Variants in SGCD observed in about 807,000 individuals in gnomAD.
The protein encoded by SGCD is sarcoglycan delta, also known as delta-sarcoglycan.
SGCD carries 18 observed loss-of-function variants against 36.6 expected under a neutral mutation model. The ratio of observed to expected loss-of-function variants is 0.49; its 90% CI spans 0.34 to 0.73. The LOEUF (loss-of-function observed/expected upper bound fraction) is 0.73. SGCD is among the 30% of genes least tolerant of loss of function. The pLI, the probability that SGCD is intolerant of heterozygous loss-of-function variation, is 0.01. For synonymous variants in SGCD, 133 were observed against 130.6 expected, an observed-to-expected ratio of 1.02 and a Z score of -0.12; for missense variants, 387 against 346.7, an observed-to-expected ratio of 1.12 and a Z score of -0.92.
chr5:156,642,618 G>A (rs1763078192), intron 6 of SGCD, among the ~76,000 whole-genome samples: 1 of 151,548 alleles, frequency 6.6e-6, no homozygotes. Context: ...ACAGGCTCAT[G>A]CCACCACACC....
At chr5:156,691,340 G>T (rs538978698) in intron 7 of SGCD, among the ~76,000 whole-genome samples, 1 of 151,976 alleles carries the variant, frequency 6.6e-6, no homozygotes. Context: ...AGGCATGCTG[G>T]CCATAGTGCG....
intron 3 of SGCD, among the ~76,000 whole-genome samples, chr5:156,250,689 A>G (rs897131354): frequency 6.6e-6 from 1 of 152,170 alleles, no homozygotes; most frequent in African/African-American, 2.4e-5. Flanking sequence ...TTTAAGGAAG[A>G]CTCTGTTAGG....
intron 1 of SGCD, among the ~76,000 whole-genome samples, chr5:156,011,542 G>A (rs1010188827): frequency 2.0e-5 from 3 of 151,926 alleles, no homozygotes; most frequent in Admixed American, 2.0e-4. Flanking sequence ...GCGGGTTCAA[G>A]AAGTCCTCTG....
intron 1 of SGCD, among the ~76,000 whole-genome samples, chr5:155,983,162 T>C (rs1758262563): frequency 6.6e-6 from 1 of 152,238 alleles, no homozygotes; most frequent in Admixed American, 6.5e-5. Flanking sequence ...TAGTATTTGC[T>C]AAGTATTTCT....
intron 3 of SGCD, among the ~76,000 whole-genome samples, chr5:156,317,901 G>A (rs781614870): frequency 4.6e-5 from 7 of 152,130 alleles, no homozygotes; most frequent in Non-Finnish European, 8.8e-5. Context: ...GTGACAAATG[G>A]CATGGGTAGA....
At chr5:156,420,065 T>A (rs1773230101) in intron 3 of SGCD, among the ~76,000 whole-genome samples, 2 of 152,136 alleles carry the variant, frequency 1.3e-5, no homozygotes, top group South Asian at 4.1e-4. Flanking sequence ...TCTTGGGGTA[T>A]CTTACTTTAG....
At chr5:155,981,508 C>T (rs1015695264) in intron 1 of SGCD, among the ~76,000 whole-genome samples, 7 of 152,162 alleles carry the variant, frequency 4.6e-5, no homozygotes, top group African/African-American at 1.7e-4. Flanking sequence ...CCTTATCACA[C>T]AAATTTTTCT....
At chr5:156,573,285 A>G (rs1759796250) in intron 4 of SGCD, among the ~76,000 whole-genome samples, 1 of 152,184 alleles carries the variant, frequency 6.6e-6, no homozygotes, top group Non-Finnish European at 1.5e-5. Context: ...TGACCTGAAG[A>G]TTACTGCTTA....
intron 1 of SGCD, among the ~76,000 whole-genome samples, chr5:156,101,941 T>TGTGTGAGA (rs1218348339): frequency 2.2e-5 from 3 of 138,266 alleles, no homozygotes; most frequent in Non-Finnish European, 3.1e-5. Context: ...TGTGTGTGTG[T>TGTGTGAGA]GAGAGAGAGA....
the SGCD span, among the ~76,000 whole-genome samples, chr5:155,836,617 G>C: frequency 2.6e-5 from 4 of 152,204 alleles, no homozygotes; most frequent in African/African-American, 9.7e-5. Flanking sequence ...GTACTGATCT[G>C]AGAGTTCTAT....
At chr5:156,361,471 G>A (rs1400747119) in intron 3 of SGCD, among the ~76,000 whole-genome samples, 1 of 152,194 alleles carries the variant, frequency 6.6e-6, no homozygotes, top group African/African-American at 2.4e-5. Context: ...CAATACTTGT[G>A]TTGAAAAGTT....
At chr5:156,653,513 CTGT>C (rs1257143734) in intron 7 of SGCD, among the ~76,000 whole-genome samples, 2 of 12,188 alleles carry the variant, frequency 1.6e-4, no homozygotes, top group Admixed American at 2.3e-3. Context: ...TTTTTTGCCC[CTGT>C]TGTTCAAACT....
At chr5:156,334,821 C>G (rs1012489718) in intron 2 of SGCD, among the ~76,000 whole-genome samples, 2 of 152,066 alleles carry the variant, frequency 1.3e-5, no homozygotes, top group African/African-American at 4.8e-5. Flanking sequence ...AGGGGAGGAA[C>G]TGAAGGATGG....
chr5:155,831,278 G>A, the SGCD span, among the ~76,000 whole-genome samples: 1 of 152,254 alleles, frequency 6.6e-6, no homozygotes, highest in East Asian at 1.9e-4. Flanking sequence ...CCTGTTGACT[G>A]CCTCTCCTTG....
chr5:156,173,424 T>C (rs1321240155), intron 3 of SGCD, among the ~76,000 whole-genome samples: 1 of 152,160 alleles, frequency 6.6e-6, no homozygotes, highest in African/African-American at 2.4e-5. Context: ...TTAATGTCTT[T>C]TTGTTCTTAA....
At chr5:155,818,019 AT>A in the SGCD span, among the ~76,000 whole-genome samples, 144 of 152,304 alleles carry the variant, frequency 9.5e-4, no homozygotes, top group African/African-American at 3.3e-3. Context: ...TGCAGAATAT[AT>A]TTTTTCCTTA....
chr5:156,752,892 G>A (rs1023002559), intron 7 of SGCD, among the ~76,000 whole-genome samples: 26 of 152,006 alleles, frequency 1.7e-4, no homozygotes, highest in Admixed American at 6.6e-4. Flanking sequence ...TTCACATTTA[G>A]GCCAGTGCCA....
intron 4 of SGCD, among the ~76,000 whole-genome samples, chr5:156,562,814 C>A (rs549942987): frequency 7.9e-5 from 12 of 150,978 alleles, no homozygotes; most frequent in African/African-American, 2.4e-4. Flanking sequence ...TAAATATATA[C>A]ATATAATAAT....
At chr5:156,502,036 C>T (rs1756476759) in intron 3 of SGCD, among the ~76,000 whole-genome samples, 1 of 149,926 alleles carries the variant, frequency 6.7e-6, no homozygotes, top group Non-Finnish European at 1.5e-5. Flanking sequence ...ATGATATTCT[C>T]TCTTTTTTTT....
Sources: allele counts gnomAD v4.1 joint callset (sites outside exome capture counted in the v4.1 genomes callset), GRCh38; gene constraint gnomAD v4.1.1; transcripts MANE v1.5; gene names NCBI Gene and HGNC (gene_info 2026-07-23, HGNC 2026-07-21).